The following EXOC6 variants were observed in gnomAD, a reference collection of about 807,000 sequenced individuals.
The protein encoded by EXOC6 is SEC15-like 1.
A neutral mutation model predicts 112.5 loss-of-function variants in EXOC6; 60 were observed. The observed-to-expected ratio is 0.53, with a 90% CI of 0.43 to 0.66. The LOEUF (loss-of-function observed/expected upper bound fraction) is 0.66. Ranked by LOEUF, EXOC6 falls within the 30% of genes least tolerant of loss-of-function variation. The pLI is 0.00. For missense variants in EXOC6, 855 were observed against 957.1 expected (o/e 0.89, Z 1.41); for synonymous variants, 295 against 308.0 (o/e 0.96, Z 0.44).
intron 5 of EXOC6, among the ~76,000 whole-genome samples, chr10:92,908,584 T>A (rs1389107678): frequency 6.6e-6 from 1 of 152,192 alleles, no homozygotes; most frequent in Admixed American, 6.5e-5. Flanking sequence ...TTTGGTAAGG[T>A]CTCAGTCCAG....
intron 20 of EXOC6, among the ~76,000 whole-genome samples, chr10:93,016,210 C>T (rs1423709837): frequency 1.3e-5 from 2 of 152,122 alleles, no homozygotes; most frequent in Non-Finnish European, 2.9e-5. Context: ...TCTCAGCTCA[C>T]TGCAGCTCTG....
chr10:92,879,280 C>A (rs1041785188), intron 1 of EXOC6, among the ~76,000 whole-genome samples: 2 of 152,108 alleles, frequency 1.3e-5, no homozygotes, highest in Non-Finnish European at 2.9e-5. Context: ...CTAGCCTGGG[C>A]AACGTAGGGA....
At chr10:92,987,111 G>C (rs1324548526) in intron 18 of EXOC6, among the ~76,000 whole-genome samples, 1 of 152,142 alleles carries the variant, frequency 6.6e-6, no homozygotes, top group Non-Finnish European at 1.5e-5. Context: ...TGAAGAAATT[G>C]ACATTTCTTT....
intron 17 of EXOC6, among the ~76,000 whole-genome samples, chr10:92,969,964 G>A (rs1842223604): frequency 6.6e-6 from 1 of 152,184 alleles, no homozygotes; most frequent in Non-Finnish European, 1.5e-5. Flanking sequence ...AAAGAGCTGG[G>A]ATTACAGATG....
intron 8 of EXOC6, 73 bp from the exon 9 acceptor site, chr10:92,928,266 G>C (rs1331630578): frequency 1.4e-6 from 1 of 730,832 alleles, no homozygotes; most frequent in Non-Finnish European, 2.3e-6. Context: ...TGACTCTTGG[G>C]GTAAAGAAGT....
intron 5 of EXOC6, 108 bp downstream of exon 5, chr10:92,899,752 A>G: frequency 1.3e-6 from 1 of 787,366 alleles, no homozygotes; most frequent in Non-Finnish European, 2.1e-6. Context: ...TGCTTTCTTC[A>G]TTACACTAAC....
At chr10:92,874,087 G>T (rs1848579154) in intron 1 of EXOC6, among the ~76,000 whole-genome samples, 1 of 151,242 alleles carries the variant, frequency 6.6e-6, no homozygotes, top group African/African-American at 2.4e-5. Context: ...AAGGAAAAAA[G>T]AAATTTGGAT....
At chr10:92,905,800 A>G (rs1850413029) in intron 5 of EXOC6, among the ~76,000 whole-genome samples, 2 of 152,068 alleles carry the variant, frequency 1.3e-5, no homozygotes. Context: ...GCTTGAGAAA[A>G]ATATGTATTT....
intron 1 of EXOC6, among the ~76,000 whole-genome samples, chr10:92,840,475 A>G (rs1846805852): frequency 6.6e-6 from 1 of 152,198 alleles, no homozygotes; most frequent in African/African-American, 2.4e-5. Flanking sequence ...AGTGTTGACT[A>G]TTATTGTCTA....
chr10:92,833,833 G>A (rs146059529), upstream of EXOC6, among the ~76,000 whole-genome samples: 10 of 152,188 alleles, frequency 6.6e-5, no homozygotes, highest in South Asian at 1.2e-3. Flanking sequence ...ATACATGCCC[G>A]TTAGTTCTTT....
chr10:93,041,746 C>CT (rs1217561263), intron 20 of EXOC6, among the ~76,000 whole-genome samples: 7 of 152,060 alleles, frequency 4.6e-5, no homozygotes, highest in African/African-American at 1.7e-4. Context: ...GAGTCTTGCT[C>CT]TATCTCCCAG....
chr10:92,882,177 A>C (rs1848998319), intron 1 of EXOC6, among the ~76,000 whole-genome samples: 1 of 152,154 alleles, frequency 6.6e-6, no homozygotes, highest in African/African-American at 2.4e-5. Context: ...TCATATTGCT[A>C]ACTAACTATA....
In EXOC6 at chr10:93,058,878, T is replaced by C. The variant is rs1164926162; in HGVS notation, c.*523T>C. 1 of 152,262 alleles carries C rather than the reference T, an allele frequency of 6.6e-6. No individual in the cohort carries two copies. Among genetic ancestry groups the C allele is most frequent in the African/African-American group, 2.4e-5 (1 of 41,476 alleles). 9.4% of individuals were successfully genotyped at this position (152,262 alleles called of 1,614,324 possible). A position where few individuals can be genotyped will look rare whatever the true frequency, so the allele number is the denominator to read the frequency against. The stretch of plus-strand genomic sequence containing the variant: ...AAATAGACAAATCTTAAAAGCTGCC[T>C]GAAATCAAACTTGATTTAACTCAGT... On this transcript the variant is annotated 3_prime_UTR_variant, in exon 22 of 22. Coordinates refer to ENST00000260762, the MANE Select transcript of EXOC6 (RefSeq NM_019053.6).
At chr10:92,969,617 T>G (rs1279336697) in intron 17 of EXOC6, among the ~76,000 whole-genome samples, 1 of 152,206 alleles carries the variant, frequency 6.6e-6, no homozygotes, top group Non-Finnish European at 1.5e-5. Context: ...TTGGTATACC[T>G]TTACTATACA....
At chr10:92,916,054 T>C (rs539674375) in intron 7 of EXOC6, 141 bp downstream of exon 7, 2 of 573,564 alleles carry the variant, frequency 3.5e-6, no homozygotes, top group Non-Finnish European at 5.7e-6. Context: ...ATGGAGTCAG[T>C]GTGTCAAACT....
In EXOC6 at chr10:93,048,450, G is replaced by A. The variant is rs183896352; in HGVS notation, c.2170-8474G>A. 1.8e-4 allele frequency among the ~76,000 whole-genome samples: 28 copies of A among 151,656 alleles called. 1 individual carries two copies. Among genetic ancestry groups the A allele is most frequent in the Admixed American group, 1.6e-3 (24 of 15,194 alleles). On this transcript the variant is annotated intron_variant, in intron 20 of 21. Coordinates refer to ENST00000260762, the MANE Select transcript of EXOC6 (RefSeq NM_019053.6). ...GCAGTGGCTCACGCCTGTAATCCCA[G>A]CACTTTGGTGAAACCTCGTCTCTAA...
intron 15 of EXOC6, 77 bp from the exon 16 acceptor site, chr10:92,954,553 T>G: frequency 1.6e-6 from 1 of 631,900 alleles, no homozygotes; most frequent in Non-Finnish European, 2.7e-6. Flanking sequence ...TTTAGTAAAC[T>G]GTGTTAAATT....
intron 1 of EXOC6, among the ~76,000 whole-genome samples, chr10:92,855,448 G>C (rs61860819): frequency 0.022 from 3,350 of 152,052 alleles, 57 homozygotes; most frequent in African/African-American, 0.041. Flanking sequence ...GGAAGTGTTC[G>C]CTTCTCTTCC....
At chr10:92,896,053 ATATGTG>A (rs1849741225) in intron 4 of EXOC6, among the ~76,000 whole-genome samples, 1 of 47,702 alleles carries the variant, frequency 2.1e-5, no homozygotes, top group Non-Finnish European at 3.3e-5. Context: ...ATGTGTATAT[ATATGTG>A]TATATATATG....
Sources: allele counts gnomAD v4.1 joint callset (sites outside exome capture counted in the v4.1 genomes callset), GRCh38; gene constraint gnomAD v4.1.1; transcripts MANE v1.5; gene names NCBI Gene and HGNC (gene_info 2026-07-23, HGNC 2026-07-21).